The following HTR1E variants were observed in gnomAD, a reference collection of about 807,000 sequenced individuals.
HTR1E encodes the protein 5-hydroxytryptamine receptor 1E, also known as 5-HT-1E.
A neutral mutation model predicts 3.4 loss-of-function variants in HTR1E; 3 were observed. The observed-to-expected ratio is 0.89, with a 90% CI of 0.41 to 2.31. HTR1E has a LOEUF of 2.31. HTR1E is among the 30% of genes most tolerant of loss of function. HTR1E has a pLI of 0.05. For missense variants in HTR1E, 392 were observed against 467.0 expected, an observed-to-expected ratio of 0.84 and a Z score of 1.48; for synonymous variants, 170 against 182.8, an observed-to-expected ratio of 0.93 and a Z score of 0.56.
intron 1 of HTR1E, among the ~76,000 whole-genome samples, chr6:87,007,893 C>A (rs1412053124): frequency 6.6e-6 from 1 of 151,938 alleles, no homozygotes; most frequent in Non-Finnish European, 1.5e-5. Context: ...AAGATCATGC[C>A]ACTACACTCC....
intron 1 of HTR1E, among the ~76,000 whole-genome samples, chr6:87,002,866 C>T (rs1345564811): frequency 6.6e-6 from 1 of 152,142 alleles, no homozygotes; most frequent in African/African-American, 2.4e-5. Flanking sequence ...GACCTCAATA[C>T]AGTAATAGCT....
intron 1 of HTR1E, among the ~76,000 whole-genome samples, chr6:86,940,978 A>G (rs1327853998): frequency 6.6e-6 from 1 of 152,244 alleles, no homozygotes; most frequent in Non-Finnish European, 1.5e-5. Flanking sequence ...CATAAACCCC[A>G]GGGAAACATT....
rs868026004 is a variant in HTR1E at position 87,016,440 on chromosome 6, A to G, written c.*8A>G. The G allele has an allele frequency of 1.9e-6, 3 of 1,571,494 alleles. No homozygotes were observed. The highest frequency in any genetic ancestry group is 2.6e-6 in the Non-Finnish European group (3 of 1,156,490). On this transcript the variant is annotated 3_prime_UTR_variant, in exon 2 of 2. Transcript: ENST00000305344. The stretch of plus-strand genomic sequence containing the variant: ...TGCCGAGAGCATACTTAGACTGTAA[A>G]AAGCTAAAAGGCACGACTTTTTCCA...
In HTR1E at chr6:86,947,763, A is replaced by T. The variant is rs540647532; in HGVS notation, c.-186+9940A>T. Among the ~76,000 whole-genome samples the T allele has an allele frequency of 3.3e-5, 5 of 152,338 alleles. No homozygotes were observed. In the East Asian group the frequency reaches 9.6e-4, roughly 29 times the overall value. On this transcript the variant is annotated intron_variant, in intron 1 of 1. Coordinates refer to ENST00000305344, the MANE Select transcript of HTR1E (RefSeq NM_000865.3). ...CAACAACATAAATTAGTAAATATTG[A>T]CTATATCCAAAGTGGAATTTGGATG... is the stretch of plus-strand genomic sequence containing the variant.
chr6:86,947,360 T>C (rs1768631093), intron 1 of HTR1E, among the ~76,000 whole-genome samples: 1 of 152,200 alleles, frequency 6.6e-6, no homozygotes, highest in South Asian at 2.1e-4. Context: ...TGTTTGATTC[T>C]TGTGTTATCT....
chr6:87,009,155 C>T (rs1237220989), intron 1 of HTR1E, among the ~76,000 whole-genome samples: 1 of 150,474 alleles, frequency 6.6e-6, no homozygotes, highest in African/African-American at 2.5e-5. Flanking sequence ...GGAAGGTCAG[C>T]AGATAAACAA....
intron 1 of HTR1E, among the ~76,000 whole-genome samples, chr6:86,989,002 T>C (rs1470975423): frequency 1.3e-5 from 2 of 152,212 alleles, no homozygotes; most frequent in African/African-American, 4.8e-5. Flanking sequence ...CATATAAGTG[T>C]GATGAATCAC....
At chr6:86,983,217 T>C (rs1489447819) in intron 1 of HTR1E, among the ~76,000 whole-genome samples, 3 of 152,208 alleles carry the variant, frequency 2.0e-5, no homozygotes, top group African/African-American at 7.2e-5. Flanking sequence ...TTGTTTCAAC[T>C]GAAATTAGCA....
intron 1 of HTR1E, among the ~76,000 whole-genome samples, chr6:86,996,051 A>G (rs1408512857): frequency 6.6e-6 from 1 of 152,202 alleles, no homozygotes; most frequent in East Asian, 1.9e-4. Context: ...ACCCCACTCA[A>G]AAACTGACAG....
At chr6:87,004,563 C>A (rs912115361) in intron 1 of HTR1E, among the ~76,000 whole-genome samples, 1 of 151,814 alleles carries the variant, frequency 6.6e-6, no homozygotes, top group Admixed American at 6.6e-5. Context: ...GATTGATAAC[C>A]CTAAAAAAAA....
intron 1 of HTR1E, among the ~76,000 whole-genome samples, chr6:86,955,991 C>T (rs893568331): frequency 6.6e-6 from 1 of 152,094 alleles, no homozygotes; most frequent in Non-Finnish European, 1.5e-5. Flanking sequence ...ATTAGACACA[C>T]CTCATTATAC....
Position 87,016,065 on chromosome 6 carries a change from T to A in HTR1E, c.731T>A (p.Val244Glu). Reference protein sequence around the residue: ...ASCKLTQTFCVSDFSTSDPTT... With the variant: ...ASCKLTQTFCESDFSTSDPTT... ...TGTAAACTTACACAGACTTTCTGTG[T>A]GTCTGACTTCTCCACCTCAGACCCT... The change falls in exon 2 of 2, where the codon GTG becomes GAG. Residue 244 changes from valine to glutamate, a missense_variant. Val to Glu is a moderately radical substitution (Grantham distance 121). This residue lies in a region of HTR1E where 178 missense variants were observed against 164.9 expected (regional missense o/e 1.08). Coordinates refer to ENST00000305344, the MANE Select transcript of HTR1E (RefSeq NM_000865.3). 6.2e-7 allele frequency: 1 copy of A among 1,614,194 alleles called. No individual in the cohort carries two copies. The highest frequency in any genetic ancestry group is 8.5e-7 in the Non-Finnish European group (1 of 1,180,032).
At chr6:86,969,075 A>C (rs764910799) in intron 1 of HTR1E, among the ~76,000 whole-genome samples, 41 of 152,256 alleles carry the variant, frequency 2.7e-4, no homozygotes, top group Non-Finnish European at 4.1e-4. Flanking sequence ...GTCATATACT[A>C]AATTCCCTTG....
rs186011061 is a variant in HTR1E at position 87,007,199 on chromosome 6, T to C, written c.-185-7951T>C. ...ACATGAATGGAACTGGAGATCATTA[T>C]GTTAAGTGAAATAAGCCAGGCACAG... is the stretch of plus-strand genomic sequence containing the variant. On this transcript the variant is annotated intron_variant, in intron 1 of 1. Coordinates refer to ENST00000305344, the MANE Select transcript of HTR1E (RefSeq NM_000865.3). Among the ~76,000 whole-genome samples, 771 of 152,322 alleles carry C rather than the reference T, an allele frequency of 5.1e-3. 8 individuals are homozygous for C. The highest frequency in any genetic ancestry group is 0.017 in the African/African-American group (695 of 41,558).
At chr6:86,987,931 A>G (rs1254263295) in intron 1 of HTR1E, among the ~76,000 whole-genome samples, 1 of 152,146 alleles carries the variant, frequency 6.6e-6, no homozygotes, top group East Asian at 1.9e-4. Flanking sequence ...TTTTAGTACT[A>G]ACACATTGGC....
chr6:86,957,987 CTATT>C (rs1450811951), intron 1 of HTR1E, among the ~76,000 whole-genome samples: 1 of 151,340 alleles, frequency 6.6e-6, no homozygotes, highest in Non-Finnish European at 1.5e-5. Flanking sequence ...TATCCCCACA[CTATT>C]TAATTTTTAA....
chr6:87,016,203 C>T lies in HTR1E; in HGVS notation c.869C>T (p.Ala290Val), dbSNP rs1365020312. 1 of 1,614,160 alleles carries T rather than the reference C, an allele frequency of 6.2e-7. No individual in the cohort carries two copies. The highest frequency in any genetic ancestry group is 1.7e-5 in the Admixed American group (1 of 60,012). Reference sequence around the variant, plus strand: ...TCTAGCACCAGGGAACGGAAGGCAGCACGCATCCTGGGGCTGATTCTGGGT... The same window carrying T: ...TCTAGCACCAGGGAACGGAAGGCAGTACGCATCCTGGGGCTGATTCTGGGT... ...QISSTRERKA[A>V]RILGLILGAF... The change falls in exon 2 of 2, where the codon GCA becomes GTA. Residue 290 changes from alanine to valine, a missense_variant. Transcript: ENST00000305344.
chr6:86,958,582 T>C (rs1337759593), intron 1 of HTR1E, among the ~76,000 whole-genome samples: 1 of 152,122 alleles, frequency 6.6e-6, no homozygotes, highest in African/African-American at 2.4e-5. Context: ...CTCCAGTGTC[T>C]AGAGGAGAAT....
intron 1 of HTR1E, among the ~76,000 whole-genome samples, chr6:86,953,846 T>C (rs1487861029): frequency 6.6e-6 from 1 of 152,088 alleles, no homozygotes; most frequent in Admixed American, 6.6e-5. Context: ...CTTGCAATTA[T>C]AGCAGAAGCA....
Sources: gnomAD v4.1 joint callset for allele counts (sites outside exome capture counted in the v4.1 genomes callset) on GRCh38, gnomAD v4.1.1 for gene constraint, gnomAD v4.1.1 regional missense constraint, MANE v1.5 for transcripts, NCBI Gene and HGNC (gene_info 2026-07-23, HGNC 2026-07-21) for gene names.